The following SPOCK3 variants were observed in gnomAD, a reference collection of about 807,000 sequenced individuals.
The protein encoded by SPOCK3 is SPARC (osteonectin), cwcv and kazal like domains proteoglycan 3, also known as testican-3.
SPOCK3 carries 30 observed loss-of-function variants against 56.6 expected under a neutral mutation model. The ratio of observed to expected loss-of-function variants is 0.53; its 90% CI spans 0.40 to 0.72. SPOCK3 has a LOEUF of 0.72. Ranked by LOEUF, SPOCK3 falls within the 30% of genes least tolerant of loss-of-function variation. SPOCK3 has a pLI of 0.00. For missense variants in SPOCK3, 527 were observed against 530.0 expected (o/e 0.99, Z 0.06); for synonymous variants, 196 against 183.3 (o/e 1.07, Z -0.56).
intron 4 of SPOCK3, among the ~76,000 whole-genome samples, chr4:166,945,024 T>C (rs1455566699): frequency 1.3e-5 from 2 of 152,246 alleles, no homozygotes; most frequent in Admixed American, 1.3e-4. Flanking sequence ...CCCTTCACGC[T>C]GACTTCTGTG....
chr4:167,092,457 T>A (rs1243145574), intron 2 of SPOCK3, among the ~76,000 whole-genome samples: 1 of 152,154 alleles, frequency 6.6e-6, no homozygotes, highest in East Asian at 1.9e-4. Flanking sequence ...CAGTTCTCTC[T>A]CCTCTGAATT....
chr4:167,196,953 A>G (rs901926291), intron 2 of SPOCK3, among the ~76,000 whole-genome samples: 2 of 152,170 alleles, frequency 1.3e-5, no homozygotes, highest in African/African-American at 2.4e-5. Context: ...TATCTTTGCC[A>G]TATAACAGAA....
At chr4:166,872,739 T>C (rs569580477) in intron 6 of SPOCK3, among the ~76,000 whole-genome samples, 4 of 152,206 alleles carry the variant, frequency 2.6e-5, no homozygotes, top group Non-Finnish European at 5.9e-5. Context: ...ATGTCTTAGT[T>C]ATTTTTTTGT....
chr4:166,918,696 C>G (rs1738162656), intron 4 of SPOCK3, among the ~76,000 whole-genome samples: 1 of 151,988 alleles, frequency 6.6e-6, no homozygotes, highest in South Asian at 2.1e-4. Context: ...ATGAAAAATA[C>G]CTTTAAAAAT....
At chr4:166,747,533 G>A (rs907634928) in intron 8 of SPOCK3, among the ~76,000 whole-genome samples, 1 of 152,108 alleles carries the variant, frequency 6.6e-6, no homozygotes, top group Non-Finnish European at 1.5e-5. Context: ...ATATCATACT[G>A]AATGGCCAAA....
intron 2 of SPOCK3, among the ~76,000 whole-genome samples, chr4:167,230,470 A>G (rs1411210833): frequency 7.0e-6 from 1 of 141,952 alleles, no homozygotes; most frequent in Non-Finnish European, 1.5e-5. Context: ...TGTGTACTTA[A>G]TTTTATCACT....
chr4:167,147,541 T>C (rs962046634), intron 2 of SPOCK3, among the ~76,000 whole-genome samples: 1 of 152,160 alleles, frequency 6.6e-6, no homozygotes, highest in Non-Finnish European at 1.5e-5. Context: ...TTCGCAATAA[T>C]GAAGACTTGG....
intron 5 of SPOCK3, among the ~76,000 whole-genome samples, chr4:166,911,602 A>G (rs1211946091): frequency 6.6e-6 from 1 of 152,132 alleles, no homozygotes; most frequent in Non-Finnish European, 1.5e-5. Context: ...CAATGGCGCA[A>G]TCTCAGCTCA....
At chr4:167,202,014 G>T (rs2110932156) in intron 2 of SPOCK3, among the ~76,000 whole-genome samples, 1 of 151,922 alleles carries the variant, frequency 6.6e-6, no homozygotes, top group East Asian at 1.9e-4. Context: ...AGAATTTATT[G>T]ATTGTTTGGT....
At chr4:167,164,945 G>T (rs1322566504) in intron 2 of SPOCK3, among the ~76,000 whole-genome samples, 1 of 152,044 alleles carries the variant, frequency 6.6e-6, no homozygotes, top group Non-Finnish European at 1.5e-5. Flanking sequence ...AATCCTTTGG[G>T]TATATATCCA....
chr4:166,958,608 AT>A (rs1295019221), intron 4 of SPOCK3, among the ~76,000 whole-genome samples: 1 of 152,210 alleles, frequency 6.6e-6, no homozygotes, highest in Non-Finnish European at 1.5e-5. Context: ...ACATAGTAAA[AT>A]ATACAGAAGG....
At chr4:167,151,690 C>A (rs111603383) in intron 2 of SPOCK3, among the ~76,000 whole-genome samples, 4 of 152,144 alleles carry the variant, frequency 2.6e-5, no homozygotes, top group African/African-American at 9.7e-5. Flanking sequence ...CCGTCTCGGC[C>A]TCCCATAGTG....
At chr4:166,738,088 G>A (rs1318676161) in intron 9 of SPOCK3, among the ~76,000 whole-genome samples, 1 of 152,080 alleles carries the variant, frequency 6.6e-6, no homozygotes, top group Non-Finnish European at 1.5e-5. Context: ...CAAATTCAAT[G>A]CTGTTTTGTC....
chr4:166,958,027 T>C (rs1168100888), intron 4 of SPOCK3, among the ~76,000 whole-genome samples: 3 of 152,082 alleles, frequency 2.0e-5, no homozygotes, highest in African/African-American at 4.8e-5. Context: ...CAGAATGATA[T>C]AGTTTGGATG....
intron 6 of SPOCK3, among the ~76,000 whole-genome samples, chr4:166,830,581 C>T (rs747082172): frequency 1.3e-5 from 2 of 151,846 alleles, no homozygotes; most frequent in African/African-American, 2.4e-5. Flanking sequence ...CCTTGTCTAC[C>T]GAAAATACAA....
At position 167,090,837 on chromosome 4, in the gene SPOCK3, G is replaced by GT. The variant is rs931755424; in HGVS notation, c.190-28301dup. Among the ~76,000 whole-genome samples the GT allele has an allele frequency of 3.2e-3, 483 of 148,624 alleles. 1 individual carries two copies. Among genetic ancestry groups the GT allele is most frequent in the Non-Finnish European group, 4.7e-3 (314 of 66,918 alleles). On this transcript the variant is annotated intron_variant, in intron 2 of 10. Coordinates refer to ENST00000357545, the MANE Select transcript of SPOCK3 (RefSeq NM_001040159.2). Reference sequence around the variant, plus strand: ...ATTTTGAAAACTATTTTACTAACCTGTTTTTTTTTTCCAAGTATAGTTGAA... The same window carrying GT: ...ATTTTGAAAACTATTTTACTAACCTGTTTTTTTTTTTCCAAGTATAGTTGAA...
intron 4 of SPOCK3, among the ~76,000 whole-genome samples, chr4:166,948,386 T>C (rs536908520): frequency 2.0e-5 from 3 of 152,284 alleles, no homozygotes; most frequent in East Asian, 1.9e-4. Context: ...AGTAGTAAGA[T>C]TGCTGGATCA....
At chr4:167,160,076 A>C (rs1765157468) in intron 2 of SPOCK3, among the ~76,000 whole-genome samples, 1 of 152,098 alleles carries the variant, frequency 6.6e-6, no homozygotes, top group Non-Finnish European at 1.5e-5. Context: ...AAGGGTATTC[A>C]ATTAGGAAAA....
intron 6 of SPOCK3, among the ~76,000 whole-genome samples, chr4:166,831,354 A>AT (rs1274828782): frequency 6.6e-6 from 1 of 152,072 alleles, no homozygotes; most frequent in Admixed American, 6.6e-5. Flanking sequence ...AACTGGTATC[A>AT]TTTTTTGTTT....
Sources: allele counts gnomAD v4.1 joint callset (sites outside exome capture counted in the v4.1 genomes callset), GRCh38; gene constraint gnomAD v4.1.1; transcripts MANE v1.5; gene names NCBI Gene and HGNC (gene_info 2026-07-23, HGNC 2026-07-21).